Variants in CNBD1 observed in about 807,000 individuals in gnomAD.
CNBD1 encodes cyclic nucleotide-binding domain-containing protein 1.
In CNBD1, 71 loss-of-function variants were observed where a neutral mutation model predicts 54.4. The observed-to-expected ratio is 1.30, with a 90% CI of 1.08 to 1.59. The LOEUF (loss-of-function observed/expected upper bound fraction) is 1.59, where lower values mean the gene tolerates loss of function less well. CNBD1 is among the 40% of genes most tolerant of loss of function. The probability of loss-of-function intolerance (pLI) is 0.00; values close to 1 mark genes in which losing one functional copy is unlikely to be tolerated. For missense variants in CNBD1, 659 were observed against 518.0 expected (o/e 1.27, Z -2.64); for synonymous variants, 182 against 170.7 (o/e 1.07, Z -0.51).
At chr8:86,968,013 G>A (rs1808130079) in intron 4 of CNBD1, among the ~76,000 whole-genome samples, 1 of 152,066 alleles carries the variant, frequency 6.6e-6, no homozygotes, top group Non-Finnish European at 1.5e-5. Context: ...TGTGGGCCTG[G>A]ACTGGGAATG....
At chr8:87,040,074 GA>G in intron 4 of CNBD1, among the ~76,000 whole-genome samples, 1 of 150,264 alleles carries the variant, frequency 6.7e-6, no homozygotes, top group South Asian at 2.1e-4. Context: ...GCAATTTGGG[GA>G]AGGTCAAAAT....
At chr8:87,235,586 A>C (rs1039727631) in intron 5 of CNBD1, among the ~76,000 whole-genome samples, 1 of 152,166 alleles carries the variant, frequency 6.6e-6, no homozygotes, top group Non-Finnish European at 1.5e-5. Context: ...AATTAAGTTC[A>C]TTATCTTATA....
At chr8:86,867,417 C>A (rs1238491715) in intron 1 of CNBD1, among the ~76,000 whole-genome samples, 1 of 152,136 alleles carries the variant, frequency 6.6e-6, no homozygotes, top group African/African-American at 2.4e-5. Flanking sequence ...GCTAAGCCAT[C>A]CATCCTTTTC....
chr8:87,188,249 C>T (rs751970603), intron 4 of CNBD1, among the ~76,000 whole-genome samples: 1 of 152,186 alleles, frequency 6.6e-6, no homozygotes, highest in South Asian at 2.1e-4. Flanking sequence ...CCACTACTTT[C>T]CATGACACAT....
At chr8:87,174,234 A>G (rs1407290820) in intron 4 of CNBD1, among the ~76,000 whole-genome samples, 1 of 152,146 alleles carries the variant, frequency 6.6e-6, no homozygotes, top group Non-Finnish European at 1.5e-5. Flanking sequence ...TCAGGATTAC[A>G]GACGTGAGCC....
At chr8:87,343,547 C>G (rs1270270254) in intron 8 of CNBD1, among the ~76,000 whole-genome samples, 3 of 152,304 alleles carry the variant, frequency 2.0e-5, no homozygotes, top group Admixed American at 1.3e-4. Context: ...AAACATGTAA[C>G]TTATAACTAT....
chr8:87,288,928 G>A (rs1585986154), intron 8 of CNBD1, among the ~76,000 whole-genome samples: 3 of 152,146 alleles, frequency 2.0e-5, no homozygotes, highest in East Asian at 3.9e-4. Context: ...ATATACCTAC[G>A]TGAAGAATAA....
At chr8:87,141,513 T>G (rs1812369310) in intron 4 of CNBD1, among the ~76,000 whole-genome samples, 1 of 152,102 alleles carries the variant, frequency 6.6e-6, no homozygotes. Flanking sequence ...CAATGTCCGT[T>G]TAAGACAGCT....
chr8:86,898,349 AC>A (rs33987880), intron 2 of CNBD1, among the ~76,000 whole-genome samples: 50,911 of 151,968 alleles, frequency 0.34, 8,649 homozygotes, highest in East Asian at 0.41. Flanking sequence ...TTTCAATTTT[AC>A]AAGAGATTTT....
intron 10 of CNBD1, among the ~76,000 whole-genome samples, chr8:87,357,035 T>A (rs1381502723): frequency 6.6e-6 from 1 of 152,196 alleles, no homozygotes; most frequent in Non-Finnish European, 1.5e-5. Context: ...GCTATAAGCC[T>A]TTGTGGCTTC....
intron 8 of CNBD1, among the ~76,000 whole-genome samples, chr8:87,328,680 T>C (rs2130907789): frequency 6.6e-6 from 1 of 152,274 alleles, no homozygotes; most frequent in South Asian, 2.1e-4. Context: ...ATCAAATCTT[T>C]AGATTACTTT....
At position 87,246,873 on chromosome 8, in the gene CNBD1, A is replaced by G. The variant is rs137909126; in HGVS notation, c.771+9761A>G. Among the ~76,000 whole-genome samples, 730 of 152,220 alleles carry G rather than the reference A, an allele frequency of 4.8e-3. 3 individuals carry two copies. The highest frequency in any genetic ancestry group is 0.01 in the Middle Eastern group (3 of 294). On this transcript the variant is annotated intron_variant, in intron 6 of 10. Coordinates refer to ENST00000518476, the MANE Select transcript of CNBD1 (RefSeq NM_173538.3). Reference sequence around the variant, plus strand: ...TTCTATTATTATTATATTGTAATATATAATGAAATAATTATACAACTCATC... The same window carrying G: ...TTCTATTATTATTATATTGTAATATGTAATGAAATAATTATACAACTCATC...
In CNBD1 at chr8:86,959,341, C is replaced by T. The variant is rs192474083; in HGVS notation, c.431+19587C>T. Among the ~76,000 whole-genome samples, 13 of 152,220 alleles carry T rather than the reference C, an allele frequency of 8.5e-5. No individual in the cohort carries two copies. The East Asian group carries it at 2.5e-3, about 29-fold the overall frequency. ...AATTATATGTCTTGGAGTTGTTCTT[C>T]TTAGTGAATATCTTCATGGCGTTCT... On this transcript the variant is annotated intron_variant, in intron 4 of 10. Transcript: ENST00000518476.
intron 4 of CNBD1, among the ~76,000 whole-genome samples, chr8:86,956,767 A>T (rs991418965): frequency 6.6e-6 from 1 of 152,342 alleles, no homozygotes; most frequent in East Asian, 1.9e-4. Context: ...CAATCATGTC[A>T]TCTGCAAACA....
At chr8:87,061,487 T>C (rs1810546363) in intron 4 of CNBD1, among the ~76,000 whole-genome samples, 2 of 152,360 alleles carry the variant, frequency 1.3e-5, no homozygotes, top group South Asian at 4.1e-4. Flanking sequence ...CCCCACTGAC[T>C]TCCCAGAATG....
chr8:87,140,417 T>G (rs186457381), intron 4 of CNBD1, among the ~76,000 whole-genome samples: 1 of 152,170 alleles, frequency 6.6e-6, no homozygotes, highest in East Asian at 1.9e-4. Flanking sequence ...GAATTGATAC[T>G]TCCTCAAACA....
At chr8:87,420,061 G>A (rs1482659803) in intron 2 of CNBD1, among the ~76,000 whole-genome samples, 8 of 151,508 alleles carry the variant, frequency 5.3e-5, no homozygotes, top group Non-Finnish European at 1.2e-4. Flanking sequence ...ATTACAAAAT[G>A]TAAGATTCAT....
chr8:87,420,283 G>C (rs1807909286), intron 2 of CNBD1, among the ~76,000 whole-genome samples: 1 of 151,808 alleles, frequency 6.6e-6, no homozygotes, highest in Non-Finnish European at 1.5e-5. Context: ...TTCTTCTTTA[G>C]GAAAACCTGA....
At chr8:87,085,002 T>C (rs937287524) in intron 4 of CNBD1, among the ~76,000 whole-genome samples, 17 of 152,184 alleles carry the variant, frequency 1.1e-4, no homozygotes, top group Non-Finnish European at 1.5e-5. Flanking sequence ...AAACAATACT[T>C]ATGTTGTGTT....
Sources: allele counts gnomAD v4.1 joint callset (sites outside exome capture counted in the v4.1 genomes callset), GRCh38; gene constraint gnomAD v4.1.1; transcripts MANE v1.5; gene names NCBI Gene and HGNC (gene_info 2026-07-23, HGNC 2026-07-21).